Variants in MGLL observed in about 807,000 individuals in gnomAD.
MGLL encodes the protein lysophospholipase homolog.
In MGLL, 7 loss-of-function variants were observed where a neutral mutation model predicts 29.1. The observed-to-expected ratio is 0.24, with a 90% CI of 0.14 to 0.45. The LOEUF (loss-of-function observed/expected upper bound fraction) is 0.45, where lower values mean the gene tolerates loss of function less well. Among genes scored for constraint, MGLL ranks in the 20% least tolerant of loss-of-function variants. MGLL has a pLI of 0.99. For synonymous variants in MGLL, 148 were observed against 168.3 expected, an observed-to-expected ratio of 0.88 and a Z score of 0.93; for missense variants, 356 against 413.6, an observed-to-expected ratio of 0.86 and a Z score of 1.21.
intron 3 of MGLL, among the ~76,000 whole-genome samples, chr3:127,778,292 A>C (rs1040775923): frequency 2.0e-5 from 3 of 152,210 alleles, no homozygotes; most frequent in African/African-American, 7.2e-5. Context: ...CGGCCTGTGC[A>C]GGCCTGAGGG....
At chr3:127,726,948 G>A (rs762947601) in intron 3 of MGLL, among the ~76,000 whole-genome samples, 7 of 152,018 alleles carry the variant, frequency 4.6e-5, no homozygotes, top group East Asian at 1.9e-4. Context: ...ATCCAAATTC[G>A]AATTTCCCCA....
At chr3:127,698,205 C>T (rs782438) in intron 6 of MGLL, among the ~76,000 whole-genome samples, 58,867 of 151,982 alleles carry the variant, frequency 0.39, 12,026 homozygotes, top group Middle Eastern at 0.55. Context: ...CAGCCTGGAC[C>T]GGAGGTGAGG....
chr3:127,797,709 G>A (rs2077408129), intron 2 of MGLL, among the ~76,000 whole-genome samples: 1 of 152,200 alleles, frequency 6.6e-6, no homozygotes, highest in Non-Finnish European at 1.5e-5. Flanking sequence ...CCGGGCTCAA[G>A]CGGTCCTCCC....
At chr3:127,776,150 C>T (rs538005886) in intron 3 of MGLL, among the ~76,000 whole-genome samples, 2 of 152,360 alleles carry the variant, frequency 1.3e-5, no homozygotes, top group South Asian at 2.1e-4. Flanking sequence ...AGGCCCCTCT[C>T]CTGAGGATCT....
chr3:127,728,987 G>A (rs1393821027), intron 3 of MGLL, among the ~76,000 whole-genome samples: 2 of 152,074 alleles, frequency 1.3e-5, no homozygotes, highest in Non-Finnish European at 1.5e-5. Context: ...GGTAAACTGA[G>A]TATTCATGTC....
rs140939531 is a variant in MGLL at position 127,799,671 on chromosome 3, G to A, written c.156-17776C>T. 1.9e-3 allele frequency among the ~76,000 whole-genome samples: 293 copies of A among 152,238 alleles called. 1 individual carries two copies. The highest frequency in any genetic ancestry group is 2.8e-3 in the Non-Finnish European group (191 of 68,030). ...TTCCTGGCTGATGTCTCATCTCCCG[G>A]CTGTGCCTCAGGAAGAGACAGTGAA... On this transcript the variant is annotated intron_variant, in intron 2 of 7. Coordinates refer to ENST00000265052, the MANE Select transcript of MGLL (RefSeq NM_007283.7).
In MGLL at chr3:127,698,869, C is replaced by T. The variant is rs553728103; in HGVS notation, c.601-3679G>A. Among the ~76,000 whole-genome samples, 5 of 152,314 alleles carry T rather than the reference C, an allele frequency of 3.3e-5. No homozygotes were observed. The East Asian group carries it at 5.8e-4, about 18-fold the overall frequency. ...CAGGCTTTGGCACAGTCTCTCACAC[C>T]GCCACCTTCCTGTTTGGCTCACCAT... On this transcript the variant is annotated intron_variant, in intron 6 of 7. Coordinates refer to ENST00000265052, the MANE Select transcript of MGLL (RefSeq NM_007283.7).
chr3:127,792,706 G>C (rs914317683), intron 2 of MGLL, among the ~76,000 whole-genome samples: 20 of 141,058 alleles, frequency 1.4e-4, no homozygotes, highest in Non-Finnish European at 3.0e-4. Flanking sequence ...TGTCTCAAAA[G>C]AAAAAAAAAA....
chr3:127,785,940 C>T (rs1359804694), intron 2 of MGLL, among the ~76,000 whole-genome samples: 1 of 152,206 alleles, frequency 6.6e-6, no homozygotes, highest in African/African-American at 2.4e-5. Flanking sequence ...AGGGAATAGC[C>T]AGGGAAGGCC....
chr3:127,706,601 C>T (rs2075607284), intron 6 of MGLL, among the ~76,000 whole-genome samples: 1 of 152,226 alleles, frequency 6.6e-6, no homozygotes. Context: ...CACATGGAGC[C>T]ATATGCCCAA....
At chr3:127,735,939 T>C (rs377208022) in intron 3 of MGLL, 31 of 1,496,882 alleles carry the variant, frequency 2.1e-5, no homozygotes, top group South Asian at 1.9e-4. Flanking sequence ...GTTAGAATCC[T>C]GGCTCTCTTA....
intron 3 of MGLL, among the ~76,000 whole-genome samples, chr3:127,725,638 T>C (rs777270382): frequency 6.6e-5 from 10 of 152,188 alleles, no homozygotes; most frequent in Admixed American, 1.3e-4. Flanking sequence ...ACTACAAAAC[T>C]TTCAAATGCA....
Position 127,781,871 on chromosome 3 carries a change from T to A in MGLL, c.180A>T (p.Gly60=). ...TPKALIFVSH[G]AGEHSGRYEE... is the part of the protein sequence containing the mutation. Reference sequence around the variant, plus strand: ...CATAGCGGCCACTGTGCTCTCCGGCTCCATGGGACACAAAGATGAGGGCCC... The same window carrying A: ...CATAGCGGCCACTGTGCTCTCCGGCACCATGGGACACAAAGATGAGGGCCC... The change falls in exon 3 of 8, where the codon GGA becomes GGT. Residue 60 remains glycine, a synonymous_variant. Transcript: ENST00000265052. 1 of 1,613,854 alleles carries A rather than the reference T, an allele frequency of 6.2e-7. No individual in the cohort carries two copies. The highest frequency in any genetic ancestry group is 8.5e-7 in the Non-Finnish European group (1 of 1,179,954).
chr3:127,700,936 T>C (rs2075467445), intron 6 of MGLL, among the ~76,000 whole-genome samples: 1 of 152,080 alleles, frequency 6.6e-6, no homozygotes, highest in African/African-American at 2.4e-5. Flanking sequence ...TACCGTAGCC[T>C]GGGCACGGTG....
chr3:127,805,264 G>A (rs2077545275), intron 2 of MGLL, among the ~76,000 whole-genome samples: 1 of 152,328 alleles, frequency 6.6e-6, no homozygotes, highest in Admixed American at 6.5e-5. Context: ...AACGGATGGC[G>A]ATAAATGATC....
At chr3:127,715,676 G>A (rs1378368097) in intron 5 of MGLL, 1 of 456,600 alleles carries the variant, frequency 2.2e-6, no homozygotes, top group Non-Finnish European at 4.4e-6. Flanking sequence ...CGGTTGAGCA[G>A]GGGCCATTGA....
chr3:127,692,468 T>G (rs2075266686), intron 7 of MGLL, 145 bp from the exon 8 acceptor site: 2 of 941,836 alleles, frequency 2.1e-6, no homozygotes, highest in Non-Finnish European at 3.3e-6. Context: ...CTCCCATTAT[T>G]AGGAGGCCAA....
rs376742885 is a variant in MGLL at position 127,692,174 on chromosome 3, T to C, written c.*24A>G. The C allele has an allele frequency of 1.4e-5, 21 of 1,533,568 alleles. No homozygotes were observed. The highest frequency in any genetic ancestry group is 1.6e-5 in the Non-Finnish European group (18 of 1,135,436). 95.0% of individuals were successfully genotyped at this position (1,533,568 alleles called of 1,614,324 possible). On this transcript the variant is annotated 3_prime_UTR_variant, in exon 8 of 8. Coordinates refer to ENST00000265052, the MANE Select transcript of MGLL (RefSeq NM_007283.7). ...TCCCCTGCCTGCATCCCCCAGACCA[T>C]GAGCCGGGCACCGGCCAATGCATTC...
chr3:127,693,236 C>G (rs1409883514), intron 7 of MGLL, among the ~76,000 whole-genome samples: 1 of 152,196 alleles, frequency 6.6e-6, no homozygotes, highest in Non-Finnish European at 1.5e-5. Context: ...TCCTTCATGA[C>G]AGTGATCTCA....
Sources: allele counts gnomAD v4.1 joint callset (sites outside exome capture counted in the v4.1 genomes callset), GRCh38; gene constraint gnomAD v4.1.1; transcripts MANE v1.5; gene names NCBI Gene and HGNC (gene_info 2026-07-23, HGNC 2026-07-21).